UBE2K: variants seen among roughly 807,000 people sequenced by gnomAD.
UBE2K encodes ubiquitin conjugating enzyme E2 K.
UBE2K carries 6 observed loss-of-function variants against 30.0 expected under a neutral mutation model. The ratio of observed to expected loss-of-function variants is 0.20; its 90% CI spans 0.11 to 0.39. UBE2K has a LOEUF of 0.39. UBE2K is among the 10% of genes least tolerant of loss of function. The pLI is 1.00. For synonymous variants in UBE2K, 86 were observed against 83.7 expected (o/e 1.03, Z -0.15); for missense variants, 61 against 241.6 (o/e 0.25, Z 4.96).
intron 2 of UBE2K, 58 bp downstream of exon 2, chr4:39,737,571 T>TA: frequency 9.3e-7 from 1 of 1,070,722 alleles, no homozygotes; most frequent in Non-Finnish European, 1.4e-6. Context: ...CTGAAACATT[T>TA]AATCAGAATA....
intron 1 of UBE2K, among the ~76,000 whole-genome samples, chr4:39,718,361 A>G (rs1174095493): frequency 6.6e-6 from 1 of 152,242 alleles, no homozygotes; most frequent in Non-Finnish European, 1.5e-5. Context: ...TGAGCTAGAT[A>G]AAGAGTGCCG....
chr4:39,739,801 C>T (rs1282812972), intron 2 of UBE2K, among the ~76,000 whole-genome samples: 1 of 152,212 alleles, frequency 6.6e-6, no homozygotes, highest in East Asian at 1.9e-4. Context: ...GTTACCGAGG[C>T]TGGTCTCAAA....
chr4:39,709,548 C>T (rs921007275), intron 1 of UBE2K, among the ~76,000 whole-genome samples: 7 of 151,990 alleles, frequency 4.6e-5, no homozygotes, highest in Non-Finnish European at 8.8e-5. Context: ...ATAATTACTC[C>T]ATTGTTAATC....
intron 5 of UBE2K, among the ~76,000 whole-genome samples, chr4:39,776,729 A>G (rs566463004): frequency 2.0e-5 from 3 of 151,974 alleles, no homozygotes; most frequent in African/African-American, 7.2e-5. Context: ...ATCCTTGTCA[A>G]TATATTCTGT....
intron 1 of UBE2K, among the ~76,000 whole-genome samples, chr4:39,706,345 G>A (rs1718363283): frequency 6.6e-6 from 1 of 151,834 alleles, no homozygotes; most frequent in South Asian, 2.1e-4. Context: ...TGTAGTTTTA[G>A]TAGAGACAGG....
At chr4:39,762,214 T>C (rs1274745460) in intron 4 of UBE2K, among the ~76,000 whole-genome samples, 1 of 138,070 alleles carries the variant, frequency 7.2e-6, no homozygotes, top group Non-Finnish European at 1.6e-5. Flanking sequence ...ATAATAAATC[T>C]TGAAATTTAT....
At chr4:39,719,569 G>A (rs1284579706) in intron 1 of UBE2K, among the ~76,000 whole-genome samples, 1 of 152,180 alleles carries the variant, frequency 6.6e-6, no homozygotes, top group East Asian at 1.9e-4. Flanking sequence ...TTTAGCAAAT[G>A]TGTGATTATG....
chr4:39,720,069 G>C (rs761467074), intron 1 of UBE2K, among the ~76,000 whole-genome samples: 19 of 152,222 alleles, frequency 1.2e-4, no homozygotes, highest in Non-Finnish European at 1.8e-4. Flanking sequence ...ACCATTGCCT[G>C]CTAAGCAGGA....
intron 1 of UBE2K, among the ~76,000 whole-genome samples, chr4:39,702,231 C>CTTTTTTTTTTTTT (rs564712672): frequency 2.7e-4 from 18 of 67,346 alleles, no homozygotes; most frequent in South Asian, 4.7e-4. Context: ...CTTTTCTTTT[C>CTTTTTTTTTTTTT]TTTTTTTTTT....
intron 1 of UBE2K, among the ~76,000 whole-genome samples, chr4:39,708,004 C>G (rs1309150170): frequency 1.3e-5 from 2 of 151,992 alleles, no homozygotes; most frequent in African/African-American, 4.8e-5. Context: ...TCAAGCGATT[C>G]TCCTGCCTCA....
chr4:39,714,738 G>A (rs1351230063), intron 1 of UBE2K, among the ~76,000 whole-genome samples: 1 of 149,914 alleles, frequency 6.7e-6, no homozygotes, highest in Non-Finnish European at 1.5e-5. Context: ...TTTTAGTAGA[G>A]ACGGGTTTTA....
intron 1 of UBE2K, among the ~76,000 whole-genome samples, 159 bp downstream of exon 1, chr4:39,698,549 C>T (rs990429766): frequency 5.9e-5 from 9 of 152,100 alleles, no homozygotes; most frequent in Non-Finnish European, 7.4e-5. Flanking sequence ...CTTCCGCCGC[C>T]TTCCCCTCCC....
chr4:39,773,541 A>C (rs1231676726), intron 4 of UBE2K, among the ~76,000 whole-genome samples: 2 of 152,212 alleles, frequency 1.3e-5, no homozygotes, highest in Non-Finnish European at 2.9e-5. Flanking sequence ...CCATTGAAAG[A>C]AAGCCTCACA....
chr4:39,765,941 A>ATACG (rs397753615), intron 4 of UBE2K, among the ~76,000 whole-genome samples: 2 of 140,056 alleles, frequency 1.4e-5, no homozygotes, highest in Non-Finnish European at 3.1e-5. Flanking sequence ...ACATACATAC[A>ATACG]CACACACACA....
At chr4:39,715,885 T>TTCATTTTCTTATAC (rs1719033818) in intron 1 of UBE2K, among the ~76,000 whole-genome samples, 1 of 152,140 alleles carries the variant, frequency 6.6e-6, no homozygotes, top group African/African-American at 2.4e-5. Context: ...CTGTATTTGG[T>TTCATTTTCTTATAC]TTTTAAAAGT....
chr4:39,763,330 C>A (rs1160330959), intron 4 of UBE2K, among the ~76,000 whole-genome samples: 1 of 151,666 alleles, frequency 6.6e-6, no homozygotes, highest in Non-Finnish European at 1.5e-5. Context: ...TGGCTCACTG[C>A]AACCTCCACC....
intron 1 of UBE2K, among the ~76,000 whole-genome samples, chr4:39,715,447 T>C (rs757722745): frequency 1.3e-4 from 20 of 152,130 alleles, no homozygotes; most frequent in Non-Finnish European, 2.5e-4. Flanking sequence ...GCTGAGATTA[T>C]AGGTGTGGGC....
At chr4:39,761,132 A>G (rs915414363) in intron 4 of UBE2K, 1 of 152,206 alleles carries the variant, frequency 6.6e-6, no homozygotes, top group Non-Finnish European at 1.5e-5. Flanking sequence ...GGGCATAAGT[A>G]TGGTGACCTC....
At chr4:39,762,046 G>T (rs1360893415) in intron 4 of UBE2K, among the ~76,000 whole-genome samples, 1 of 151,874 alleles carries the variant, frequency 6.6e-6, no homozygotes, top group African/African-American at 2.4e-5. Flanking sequence ...GGGCGTAGTG[G>T]CATGCGCCTG....
Sources: gnomAD v4.1 joint callset for allele counts (sites outside exome capture counted in the v4.1 genomes callset) on GRCh38, gnomAD v4.1.1 for gene constraint, MANE v1.5 for transcripts, NCBI Gene and HGNC (gene_info 2026-07-23, HGNC 2026-07-21) for gene names.